The following DSCAM variants were observed in gnomAD, a reference collection of about 807,000 sequenced individuals.
DSCAM encodes cell adhesion molecule DSCAM.
A neutral mutation model predicts 217.7 loss-of-function variants in DSCAM; 47 were observed. That is an observed-to-expected ratio of 0.22 (90% CI 0.17 to 0.28). The LOEUF is 0.28. Ranked by LOEUF, DSCAM falls within the 10% of genes least tolerant of loss-of-function variation. DSCAM has a pLI of 1.00. For missense variants in DSCAM, 2,080 were observed against 2,618.3 expected, an observed-to-expected ratio of 0.79 and a Z score of 4.49; for synonymous variants, 1,056 against 1,015.3, an observed-to-expected ratio of 1.04 and a Z score of -0.76.
intron 3 of DSCAM, among the ~76,000 whole-genome samples, chr21:40,387,975 G>T (rs1244814689): frequency 6.6e-6 from 1 of 151,954 alleles, no homozygotes; most frequent in Non-Finnish European, 1.5e-5. Context: ...ATATTTCCTA[G>T]AGAGAAAAAG....
intron 1 of DSCAM, among the ~76,000 whole-genome samples, chr21:40,742,306 A>C (rs1011945652): frequency 6.6e-6 from 1 of 152,218 alleles, no homozygotes; most frequent in African/African-American, 2.4e-5. Context: ...GGTGTAGCTC[A>C]TAGACATGCA....
intron 28 of DSCAM, among the ~76,000 whole-genome samples, chr21:40,060,576 G>A (rs77316514): frequency 0.07 from 9,939 of 142,780 alleles, 402 homozygotes; most frequent in South Asian, 0.15. Context: ...CCGGGGTGGG[G>A]TAGGGGTGGG....
chr21:40,571,213 G>GA (rs1287529549), intron 3 of DSCAM, among the ~76,000 whole-genome samples: 3 of 151,092 alleles, frequency 2.0e-5, no homozygotes, highest in Non-Finnish European at 3.0e-5. Flanking sequence ...TCAAAATGCT[G>GA]AAAAAAAACT....
At chr21:40,324,210 C>CAAGT (rs1291021465) in intron 8 of DSCAM, among the ~76,000 whole-genome samples, 2 of 137,438 alleles carry the variant, frequency 1.5e-5, no homozygotes, top group African/African-American at 2.7e-5. Context: ...TTAAAATTAT[C>CAAGT]AAGTAAGTCC....
At chr21:40,326,927 T>C (rs1468318116) in intron 8 of DSCAM, among the ~76,000 whole-genome samples, 1 of 149,498 alleles carries the variant, frequency 6.7e-6, no homozygotes, top group Non-Finnish European at 1.5e-5. Flanking sequence ...TATAACTATA[T>C]GTATATTTAT....
At chr21:40,598,752 C>T (rs1299578516) in intron 3 of DSCAM, among the ~76,000 whole-genome samples, 1 of 151,940 alleles carries the variant, frequency 6.6e-6, no homozygotes, top group Non-Finnish European at 1.5e-5. Context: ...ATCTGCCCAC[C>T]TCGGCCTCCC....
At chr21:40,259,015 T>C (rs975872288) in intron 11 of DSCAM, among the ~76,000 whole-genome samples, 1 of 152,252 alleles carries the variant, frequency 6.6e-6, no homozygotes, top group Non-Finnish European at 1.5e-5. Flanking sequence ...ATTAAATTTA[T>C]GTTGAAGTGC....
chr21:40,042,792 G>C, intron 31 of DSCAM, 119 bp from the exon 32 acceptor site: 1 of 974,182 alleles, frequency 1.0e-6, no homozygotes, highest in South Asian at 1.7e-5. Flanking sequence ...CCTGGTAGGA[G>C]TTCTGGCTCC....
At chr21:40,135,986 C>T (rs117102685) in intron 18 of DSCAM, among the ~76,000 whole-genome samples, 2,470 of 152,296 alleles carry the variant, frequency 0.016, 170 homozygotes, top group Admixed American at 0.12. Flanking sequence ...AGCCAAAGGC[C>T]TGGGAGCACC....
chr21:40,423,358 G>GAA (rs760511469), intron 3 of DSCAM, among the ~76,000 whole-genome samples: 2 of 152,122 alleles, frequency 1.3e-5, no homozygotes, highest in Non-Finnish European at 2.9e-5. Context: ...ACGAGAGAGA[G>GAA]AGAGATTGAG....
intron 9 of DSCAM, among the ~76,000 whole-genome samples, chr21:40,298,808 C>A (rs928902108): frequency 7.9e-5 from 12 of 152,100 alleles, no homozygotes; most frequent in Non-Finnish European, 1.5e-4. Flanking sequence ...TCTTGCATTC[C>A]CTCTGGAAGC....
chr21:40,548,341 C>T (rs1219598956), intron 3 of DSCAM, among the ~76,000 whole-genome samples: 2 of 152,030 alleles, frequency 1.3e-5, no homozygotes, highest in South Asian at 2.1e-4. Flanking sequence ...CAAGGGGGTT[C>T]GGCTTGGTAC....
chr21:40,361,664 G>A (rs927461446), intron 4 of DSCAM, among the ~76,000 whole-genome samples: 2 of 151,918 alleles, frequency 1.3e-5, no homozygotes, highest in Admixed American at 1.3e-4. Flanking sequence ...AACAAAAAAG[G>A]GAAGCTATGT....
At position 40,552,107 on chromosome 21, in the gene DSCAM, G is replaced by T. The variant is rs1275749100; in HGVS notation, c.508+140703C>A. 2.0e-5 allele frequency among the ~76,000 whole-genome samples: 3 copies of T among 152,048 alleles called. 1 individual carries two copies. The South Asian group carries it at 6.2e-4, about 32-fold the overall frequency. On this transcript the variant is annotated intron_variant, in intron 3 of 32. Transcript: ENST00000400454. ...GAGGTGGGCGGATCATGAGGTCAGG[G>T]GTTCAAGACCAGCCTGGCCAACATA...
At chr21:40,062,468 A>G (rs73221354) in intron 28 of DSCAM, among the ~76,000 whole-genome samples, 2 of 152,320 alleles carry the variant, frequency 1.3e-5, no homozygotes, top group Non-Finnish European at 2.9e-5. Context: ...TTTGAAGAGC[A>G]TGGGGCATAG....
chr21:40,072,570 G>C (rs570268450), intron 27 of DSCAM, among the ~76,000 whole-genome samples: 25 of 151,834 alleles, frequency 1.6e-4, no homozygotes, highest in African/African-American at 3.9e-4. Flanking sequence ...GGATGGTCTC[G>C]ATCTCCTGAC....
chr21:40,536,312 T>C (rs578156126), intron 3 of DSCAM, among the ~76,000 whole-genome samples: 70 of 151,276 alleles, frequency 4.6e-4, no homozygotes, highest in Non-Finnish European at 5.6e-4. Context: ...GTCAGGTCAT[T>C]ACAGAGGTGA....
chr21:40,830,478 T>C (rs2092003977), intron 1 of DSCAM, among the ~76,000 whole-genome samples: 1 of 152,146 alleles, frequency 6.6e-6, no homozygotes, highest in Non-Finnish European at 1.5e-5. Context: ...CCAAGCTATA[T>C]CACCACTCTA....
rs967839823 is a variant in DSCAM, at chr21:40,532,584, G to A, written c.508+160226C>T. Among the ~76,000 whole-genome samples the A allele has an allele frequency of 6.6e-5, 10 of 152,318 alleles. No individual in the cohort carries two copies. In the East Asian group the frequency reaches 7.7e-4, roughly 12 times the overall value. ...TATATGTAGTGTTCAGACAGTTCTT[G>A]CCGAGGGCTTTAGCTCAGTGGTCCG... On this transcript the variant is annotated intron_variant, in intron 3 of 32. Transcript: ENST00000400454.
Sources: gnomAD v4.1 joint callset for allele counts (sites outside exome capture counted in the v4.1 genomes callset) on GRCh38, gnomAD v4.1.1 for gene constraint, MANE v1.5 for transcripts, NCBI Gene and HGNC (gene_info 2026-07-23, HGNC 2026-07-21) for gene names.